MYO5A: variants seen among roughly 807,000 people sequenced by gnomAD.
The protein encoded by MYO5A is unconventional myosin-Va.
MYO5A carries 98 observed loss-of-function variants against 249.7 expected under a neutral mutation model. That is an observed-to-expected ratio of 0.39 (90% CI 0.33 to 0.46). The LOEUF (loss-of-function observed/expected upper bound fraction) is 0.46, where lower values mean the gene tolerates loss of function less well. Ranked by LOEUF, MYO5A falls within the 20% of genes least tolerant of loss-of-function variation. MYO5A has a pLI of 0.98. For missense variants in MYO5A, 1,696 were observed against 2,308.8 expected, an observed-to-expected ratio of 0.73 and a Z score of 5.44; for synonymous variants, 778 against 810.6, an observed-to-expected ratio of 0.96 and a Z score of 0.68.
chr15:52,347,513 T>C (rs1464604107), intron 29 of MYO5A, among the ~76,000 whole-genome samples: 2 of 152,212 alleles, frequency 1.3e-5, no homozygotes, highest in African/African-American at 2.4e-5. Context: ...AGCTCAGGCC[T>C]TGCAATGAAA....
At chr15:52,522,171 C>T (rs1431972771) in intron 1 of MYO5A, among the ~76,000 whole-genome samples, 3 of 152,132 alleles carry the variant, frequency 2.0e-5, no homozygotes, top group African/African-American at 4.8e-5. Flanking sequence ...AGCATAACTC[C>T]AGTAAACTCC....
chr15:52,513,364 G>A (rs2077433424), intron 1 of MYO5A, among the ~76,000 whole-genome samples: 1 of 148,058 alleles, frequency 6.8e-6, no homozygotes, highest in African/African-American at 2.5e-5. Flanking sequence ...CCGGGAGGCA[G>A]AGGTTGCAGT....
Position 52,384,315 on chromosome 15 carries a change from A to G in MYO5A, c.1760T>C (p.Met587Thr). Reference protein sequence around the residue: ...IKVLKSSKFKMLPELFQDDEK... With the variant: ...IKVLKSSKFKTLPELFQDDEK... ...ATCATCTTGAAATAGTTCTGGTAGC[A>G]TCTTAAACTAAGTCAGAAACAATAT... The change falls in exon 15 of 42, where the codon ATG (methionine) becomes ACG (threonine). Residue 587 changes from methionine to threonine, a missense_variant. Met to Thr is a moderately conservative substitution (Grantham distance 81). Around this residue, in one of 5 missense-constraint regions of MYO5A, gnomAD observed 277 missense variants for 422.4 expected, o/e 0.66. Transcript: ENST00000399233. 1 of 1,614,154 alleles carries G rather than the reference A, an allele frequency of 6.2e-7. No homozygotes were observed. Among genetic ancestry groups the G allele is most frequent in the Non-Finnish European group, 8.5e-7 (1 of 1,179,964 alleles).
At chr15:52,440,956 C>T (rs2075773319) in intron 1 of MYO5A, among the ~76,000 whole-genome samples, 2 of 152,084 alleles carry the variant, frequency 1.3e-5, no homozygotes, top group South Asian at 4.1e-4. Context: ...TGAATGTTTG[C>T]AAAAATGAGT....
Position 52,372,244 on chromosome 15 carries a change from C to T in MYO5A, c.2697G>A (p.Met899Ile). 6.2e-7 allele frequency: 1 copy of T among 1,613,042 alleles called. No individual in the cohort carries two copies. The highest frequency in any genetic ancestry group is 8.5e-7 in the Non-Finnish European group (1 of 1,180,036). Residue 899 changes from methionine to isoleucine, a missense_variant, in exon 21 of 42, where the codon ATG becomes ATA. Physicochemically the swap from Met to Ile is conservative, Grantham distance 10 (BLOSUM62 1). This residue lies in a region of MYO5A where 412 missense variants were observed against 453.3 expected (regional missense o/e 0.91). Transcript: ENST00000399233. ...IIYLQCCFRRMMAKRELKKLK... is the reference protein window; with the variant it reads ...IIYLQCCFRRIMAKRELKKLK... ...GCTTCTTTAGCTCACGCTTGGCCAT[C>T]ATCCGCCTGAAGCAGCACTGAAGGT...
intron 24 of MYO5A, among the ~76,000 whole-genome samples, chr15:52,360,918 T>C (rs1163175134): frequency 6.6e-6 from 1 of 152,186 alleles, no homozygotes; most frequent in African/African-American, 2.4e-5. Context: ...GTTACAGTCC[T>C]GAGGGCTTCA....
At chr15:52,509,131 C>A (rs934156452) in intron 1 of MYO5A, among the ~76,000 whole-genome samples, 1 of 152,048 alleles carries the variant, frequency 6.6e-6, no homozygotes, top group African/African-American at 2.4e-5. Flanking sequence ...GCCACCACAC[C>A]CAGCTAATAT....
intron 9 of MYO5A, among the ~76,000 whole-genome samples, chr15:52,399,157 T>A (rs1263748858): frequency 6.6e-6 from 1 of 152,212 alleles, no homozygotes; most frequent in Admixed American, 6.5e-5. Flanking sequence ...CACCTATCAA[T>A]AATTAAGAGA....
chr15:52,355,875 T>C (rs961872938), intron 25 of MYO5A, among the ~76,000 whole-genome samples: 1 of 152,192 alleles, frequency 6.6e-6, no homozygotes, highest in East Asian at 1.9e-4. Context: ...GACTGTATAG[T>C]TCTTAATAAA....
Position 52,444,422 on chromosome 15 carries a change from A to G in MYO5A, c.28-11137T>C, listed in dbSNP as rs1239498885. Reference sequence around the variant, plus strand: ...TTGATCAGGATAAAGAAAAGTCCTAACTTTACTTAACCTCATAATATGCTT... The same window carrying G: ...TTGATCAGGATAAAGAAAAGTCCTAGCTTTACTTAACCTCATAATATGCTT... On this transcript the variant is annotated intron_variant, in intron 1 of 41. Coordinates refer to ENST00000399233, the MANE Select transcript of MYO5A (RefSeq NM_001382347.1). 2.6e-5 allele frequency among the ~76,000 whole-genome samples: 4 copies of G among 152,218 alleles called. No homozygotes were observed. The East Asian group carries it at 7.7e-4, about 29-fold the overall frequency.
chr15:52,372,058 T>C (rs1012681240), intron 21 of MYO5A, 66 bp downstream of exon 21: 20 of 1,609,090 alleles, frequency 1.2e-5, no homozygotes, highest in South Asian at 5.5e-5. Context: ...AAAAACAATA[T>C]TGAAAATAAT....
intron 1 of MYO5A, among the ~76,000 whole-genome samples, chr15:52,487,891 C>G (rs59896086): frequency 2.8e-4 from 43 of 152,218 alleles, no homozygotes; most frequent in African/African-American, 9.9e-4. Flanking sequence ...TTATTTCAGT[C>G]TGCTGAGATG....
chr15:52,509,065 G>A (rs549288057), intron 1 of MYO5A, among the ~76,000 whole-genome samples: 25 of 151,758 alleles, frequency 1.6e-4, no homozygotes, highest in Non-Finnish European at 3.1e-4. Context: ...TCAACCTCTC[G>A]GGCTCAAGTG....
chr15:52,389,506 C>A (rs966219142), intron 12 of MYO5A, 143 bp from the exon 13 acceptor site: 4 of 808,202 alleles, frequency 4.9e-6, no homozygotes, highest in African/African-American at 1.7e-5. Flanking sequence ...TTCATTCCTT[C>A]CACATTTCAT....
At chr15:52,493,070 G>C (rs1354156252) in intron 1 of MYO5A, among the ~76,000 whole-genome samples, 2 of 152,082 alleles carry the variant, frequency 1.3e-5, no homozygotes, top group Non-Finnish European at 2.9e-5. Context: ...CAGGCCATAT[G>C]TGAAAAAGGC....
chr15:52,511,292 A>C (rs1380643205), intron 1 of MYO5A, among the ~76,000 whole-genome samples: 1 of 152,234 alleles, frequency 6.6e-6, no homozygotes, highest in African/African-American at 2.4e-5. Flanking sequence ...CGGAATCTGC[A>C]AACCAGGGGA....
chr15:52,397,073 G>C, intron 10 of MYO5A, 128 bp downstream of exon 10: 1 of 1,145,994 alleles, frequency 8.7e-7, no homozygotes, highest in South Asian at 1.3e-5. Flanking sequence ...AGGTATTCTT[G>C]AATTGTCATA....
chr15:52,404,647 T>C (rs957944127), intron 9 of MYO5A, among the ~76,000 whole-genome samples: 4 of 152,136 alleles, frequency 2.6e-5, no homozygotes, highest in Non-Finnish European at 4.4e-5. Flanking sequence ...AGGGTGAGTG[T>C]GTATCTAAGA....
chr15:52,381,239 C>T (rs2041727092), intron 16 of MYO5A, among the ~76,000 whole-genome samples: 1 of 152,120 alleles, frequency 6.6e-6, no homozygotes, highest in Admixed American at 6.5e-5. Context: ...GTCCTGAGGG[C>T]TGTCCAGGAC....
Sources: allele counts gnomAD v4.1 joint callset (sites outside exome capture counted in the v4.1 genomes callset), GRCh38; gene constraint gnomAD v4.1.1; regional missense constraint gnomAD v4.1.1; transcripts MANE v1.5; gene names NCBI Gene and HGNC (gene_info 2026-07-23, HGNC 2026-07-21).